The following RECK variants were observed in gnomAD, a reference collection of about 807,000 sequenced individuals.
RECK encodes reversion-inducing cysteine-rich protein with Kazal motifs.
RECK carries 69 observed loss-of-function variants against 115.1 expected under a neutral mutation model. The observed-to-expected ratio is 0.60, with a 90% CI of 0.49 to 0.73. The LOEUF (loss-of-function observed/expected upper bound fraction) is 0.73, where lower values mean the gene tolerates loss of function less well. Ranked by LOEUF, RECK falls within the 30% of genes least tolerant of loss-of-function variation. The pLI is 0.00. For synonymous variants in RECK, 414 were observed against 419.7 expected (o/e 0.99, Z 0.17); for missense variants, 1,047 against 1,203.7 (o/e 0.87, Z 1.93).
intron 6 of RECK, among the ~76,000 whole-genome samples, chr9:36,070,330 A>G (rs1054936725): frequency 4.6e-5 from 7 of 152,216 alleles, no homozygotes; most frequent in Non-Finnish European, 8.8e-5. Context: ...AGAGGTGATT[A>G]GGAATCCAGA....
intron 9 of RECK, among the ~76,000 whole-genome samples, chr9:36,089,244 T>C (rs1464540924): frequency 6.6e-6 from 1 of 152,184 alleles, no homozygotes; most frequent in East Asian, 1.9e-4. Flanking sequence ...CAAAAAAGTT[T>C]ACACCTACGT....
chr9:36,115,824 C>T (rs6476528), intron 16 of RECK, among the ~76,000 whole-genome samples: 94,611 of 151,960 alleles, frequency 0.62, 29,635 homozygotes, highest in East Asian at 0.74. Flanking sequence ...AATTTATATA[C>T]CTTAGTACTT....
chr9:36,045,511 G>A (rs953809083), intron 1 of RECK, among the ~76,000 whole-genome samples: 2 of 150,640 alleles, frequency 1.3e-5, no homozygotes, highest in African/African-American at 4.9e-5. Context: ...ACACATCTAT[G>A]TATGTATATG....
chr9:36,105,345 G>A (rs1321115489), intron 13 of RECK, 62 bp downstream of exon 13: 7 of 1,555,304 alleles, frequency 4.5e-6, no homozygotes, highest in Admixed American at 1.8e-5. Flanking sequence ...CTTTATAGGA[G>A]CTATCTTTCT....
chr9:36,106,969 G>T (rs2132660007), intron 13 of RECK, among the ~76,000 whole-genome samples: 1 of 151,958 alleles, frequency 6.6e-6, no homozygotes, highest in South Asian at 2.1e-4. Flanking sequence ...AGCCGGGCAT[G>T]GTGGTGGGCA....
chr9:36,084,354 G>A (rs770588051), intron 8 of RECK, among the ~76,000 whole-genome samples: 2 of 151,674 alleles, frequency 1.3e-5, no homozygotes, highest in Non-Finnish European at 2.9e-5. Context: ...TCCTACCACT[G>A]CACTCCAGTC....
At position 36,118,918 on chromosome 9, in the gene RECK, C is replaced by G. The variant is rs377608152; in HGVS notation, c.2415C>G (p.Val805=). ...EHSSVAECAS[V]KCPSLLAAGC... ...GCTCCGTCGCCGAGTGTGCTTCTGT[C>G]AAGTGTCCTTCGCTCTTGGCAGCTG... The change falls in exon 18 of 21, where the codon GTC becomes GTG. Residue 805 remains valine, a synonymous_variant. Coordinates refer to ENST00000377966, the MANE Select transcript of RECK (RefSeq NM_021111.3). 1 of 1,613,368 alleles carries G rather than the reference C, an allele frequency of 6.2e-7. No individual in the cohort carries two copies. Among genetic ancestry groups the G allele is most frequent in the East Asian group, 2.2e-5 (1 of 44,902 alleles).
Position 36,094,109 on chromosome 9 carries a change from A to G in RECK, c.1085+2766A>G, listed in dbSNP as rs556669793. 2.7e-3 allele frequency among the ~76,000 whole-genome samples: 418 copies of G among 152,266 alleles called. 3 individuals carry two copies. The highest frequency in any genetic ancestry group is 9.7e-3 in the African/African-American group (402 of 41,586). On this transcript the variant is annotated intron_variant, in intron 10 of 20. Transcript: ENST00000377966. The surrounding 1 kb of genome is among the most constrained non-coding windows in gnomAD (Gnocchi z 4.1). ...CACTACAAGAAATTCTTCAGTCTGA[A>G]GGAAAATGCCACATGAAAACTCAGA...
At chr9:36,121,407 G>A in intron 19 of RECK, 126 bp from the exon 20 acceptor site, 1 of 834,910 alleles carries the variant, frequency 1.2e-6, no homozygotes. Context: ...CAAAGCTGCG[G>A]TTGGGCCTTC....
chr9:36,111,798 G>T (rs1289669345), intron 15 of RECK, among the ~76,000 whole-genome samples: 2 of 152,014 alleles, frequency 1.3e-5, no homozygotes, highest in Non-Finnish European at 2.9e-5. Context: ...AGGAGAAACA[G>T]TCTTTACTTT....
chr9:36,072,384 T>A (rs1422124191), intron 6 of RECK, among the ~76,000 whole-genome samples: 1 of 152,170 alleles, frequency 6.6e-6, no homozygotes, highest in African/African-American at 2.4e-5. Context: ...CTCCTAAGCT[T>A]CAGTGTGATT....
At chr9:36,041,076 A>C (rs1820846911) in intron 1 of RECK, among the ~76,000 whole-genome samples, 1 of 152,182 alleles carries the variant, frequency 6.6e-6, no homozygotes, top group African/African-American at 2.4e-5. Context: ...TGATAGGCAG[A>C]GGTATAAAGT....
At chr9:36,063,449 T>C (rs1183185818) in intron 4 of RECK, among the ~76,000 whole-genome samples, 1 of 152,228 alleles carries the variant, frequency 6.6e-6, no homozygotes, top group Admixed American at 6.5e-5. Context: ...TGATTAACAG[T>C]CTAACAGTAA....
At chr9:36,083,008 A>G (rs1035455207) in intron 7 of RECK, among the ~76,000 whole-genome samples, 1 of 152,196 alleles carries the variant, frequency 6.6e-6, no homozygotes, top group Non-Finnish European at 1.5e-5. Flanking sequence ...TGGCATTTTG[A>G]GAGACAGTGT....
At chr9:36,106,135 G>A (rs1397983779) in intron 13 of RECK, among the ~76,000 whole-genome samples, 7 of 150,634 alleles carry the variant, frequency 4.6e-5, no homozygotes, top group African/African-American at 1.5e-4. Flanking sequence ...GCGTGAACCC[G>A]GGAGGCGGAG....
chr9:36,078,526 A>G (rs1281972951), intron 6 of RECK, among the ~76,000 whole-genome samples: 1 of 152,164 alleles, frequency 6.6e-6, no homozygotes, highest in Non-Finnish European at 1.5e-5. Flanking sequence ...GCCTCTACTC[A>G]CCAGATGCCA....
chr9:36,073,925 T>G (rs1254201327), intron 6 of RECK, among the ~76,000 whole-genome samples: 1 of 152,154 alleles, frequency 6.6e-6, no homozygotes, highest in Non-Finnish European at 1.5e-5. Flanking sequence ...TTGTTAAATA[T>G]TCAGGGATTT....
chr9:36,104,292 G>GCATATATA (rs1554709313), intron 12 of RECK, among the ~76,000 whole-genome samples: 25 of 43,888 alleles, frequency 5.7e-4, no homozygotes, highest in African/African-American at 1.6e-3. Flanking sequence ...GTGTGTGTGT[G>GCATATATA]TATATATATA....
rs771880391 is a variant in RECK at position 36,118,898 on chromosome 9, G to A, written c.2395G>A (p.Val799Ile). The A allele has an allele frequency of 3.0e-5, 49 of 1,613,636 alleles. No homozygotes were observed. The highest frequency in any genetic ancestry group is 1.5e-4 in the African/African-American group (11 of 74,906). ...CGGAGTCCTCTCAGAGCACAGCTCC[G>A]TCGCCGAGTGTGCTTCTGTCAAGTG... ...AVGVLSEHSS[V>I]AECASVKCPS... The change falls in exon 18 of 21, where the codon GTC becomes ATC. Residue 799 changes from valine (V) to isoleucine (I), a missense_variant. Val to Ile is a conservative substitution (Grantham distance 29, BLOSUM62 3). Transcript: ENST00000377966.
Sources: gnomAD v4.1 joint callset for allele counts (sites outside exome capture counted in the v4.1 genomes callset) on GRCh38, gnomAD v4.1.1 for gene constraint, Gnocchi (gnomAD v3.1) non-coding constraint, MANE v1.5 for transcripts, NCBI Gene and HGNC (gene_info 2026-07-23, HGNC 2026-07-21) for gene names.